WWOX: variants seen among roughly 807,000 people sequenced by gnomAD.
The protein encoded by WWOX is WW domain containing oxidoreductase.
Under a neutral mutation model 46.2 loss-of-function variants are expected in WWOX, and 69 were observed. The observed-to-expected ratio is 1.49, with a 90% CI of 1.23 to 1.82. The LOEUF (loss-of-function observed/expected upper bound fraction) is 1.82, where lower values mean the gene tolerates loss of function less well. Ranked by LOEUF, WWOX falls within the 40% of genes most tolerant of loss-of-function variation. The pLI, the probability that WWOX is intolerant of heterozygous loss-of-function variation, is 0.00. For synonymous variants in WWOX, 359 were observed against 202.6 expected (o/e 1.77, Z -6.56); for missense variants, 919 against 542.6 (o/e 1.69, Z -6.89).
chr16:78,962,520 G>A (rs2046290625), intron 8 of WWOX, among the ~76,000 whole-genome samples: 1 of 151,934 alleles, frequency 6.6e-6, no homozygotes, highest in Non-Finnish European at 1.5e-5. Flanking sequence ...CTTAAATAAT[G>A]TATTCTGTCA....
At chr16:78,917,550 C>A (rs906966925) in intron 8 of WWOX, among the ~76,000 whole-genome samples, 2 of 152,004 alleles carry the variant, frequency 1.3e-5, no homozygotes, top group East Asian at 3.9e-4. Flanking sequence ...GAAATTATTC[C>A]TAACCCCCAA....
At chr16:78,655,077 T>G (rs909707185) in intron 8 of WWOX, among the ~76,000 whole-genome samples, 1 of 152,142 alleles carries the variant, frequency 6.6e-6, no homozygotes, top group Non-Finnish European at 1.5e-5. Context: ...CCTTCTCACC[T>G]GGCCTGCATC....
At chr16:78,542,936 G>C (rs894331555) in intron 8 of WWOX, among the ~76,000 whole-genome samples, 1 of 152,162 alleles carries the variant, frequency 6.6e-6, no homozygotes, top group African/African-American at 2.4e-5. Context: ...AGAACCAATA[G>C]AAAAATGAGA....
At chr16:79,183,527 C>G (rs2050953558) in intron 8 of WWOX, among the ~76,000 whole-genome samples, 1 of 152,170 alleles carries the variant, frequency 6.6e-6, no homozygotes, top group East Asian at 1.9e-4. Flanking sequence ...GAATTGGCAT[C>G]CAACCATAAT....
intron 8 of WWOX, among the ~76,000 whole-genome samples, chr16:78,475,274 C>T (rs935607719): frequency 1.3e-5 from 2 of 152,206 alleles, no homozygotes; most frequent in African/African-American, 4.8e-5. Context: ...CTTCTCCTCC[C>T]TGTGTATTGA....
intron 8 of WWOX, among the ~76,000 whole-genome samples, chr16:78,668,470 T>A (rs2047384795): frequency 6.6e-6 from 1 of 152,142 alleles, no homozygotes; most frequent in Admixed American, 6.5e-5. Flanking sequence ...CACTCATCAT[T>A]CATTATATTC....
intron 8 of WWOX, among the ~76,000 whole-genome samples, chr16:78,514,767 G>A (rs544726662): frequency 1.3e-5 from 2 of 152,298 alleles, no homozygotes; most frequent in Non-Finnish European, 2.9e-5. Context: ...ATTGAAAATA[G>A]ATATACATAA....
intron 8 of WWOX, among the ~76,000 whole-genome samples, chr16:78,828,366 G>T (rs2051720933): frequency 6.6e-6 from 1 of 152,150 alleles, no homozygotes; most frequent in Admixed American, 6.5e-5. Flanking sequence ...TGAGTGAGAA[G>T]AACGGATACG....
At chr16:79,098,670 G>A (rs2049127827) in intron 8 of WWOX, among the ~76,000 whole-genome samples, 1 of 152,212 alleles carries the variant, frequency 6.6e-6, no homozygotes, top group Non-Finnish European at 1.5e-5. Flanking sequence ...GCAGGGTGTA[G>A]AAGAAGGAAT....
intron 5 of WWOX, among the ~76,000 whole-genome samples, chr16:78,194,455 G>A (rs1029117581): frequency 4.6e-5 from 7 of 151,710 alleles, no homozygotes; most frequent in Admixed American, 1.3e-4. Context: ...TGGCGTGGTG[G>A]TGGGCACCTG....
Position 78,935,351 on chromosome 16 carries a change from A to C in WWOX, c.1057-276257A>C, listed in dbSNP as rs191747915. On this transcript the variant is annotated intron_variant, in intron 8 of 8. Coordinates refer to ENST00000566780, the MANE Select transcript of WWOX (RefSeq NM_016373.4). ...TCACAATAGCAAAGACTTGGAACCAACTCAGATGTTCATCAATGATAGACT... is the reference window on the plus strand; with the variant it reads ...TCACAATAGCAAAGACTTGGAACCACCTCAGATGTTCATCAATGATAGACT... Among the ~76,000 whole-genome samples the C allele has an allele frequency of 2.2e-4, 33 of 152,258 alleles. No homozygotes were observed. In the South Asian group the frequency reaches 2.5e-3, roughly 11 times the overall value.
At chr16:78,975,458 CT>C (rs55693225) in intron 8 of WWOX, among the ~76,000 whole-genome samples, 705 of 143,740 alleles carry the variant, frequency 4.9e-3, no homozygotes, top group African/African-American at 0.013. Context: ...GTTCCCCAAC[CT>C]TTTTTTTTTT....
intron 8 of WWOX, among the ~76,000 whole-genome samples, chr16:78,691,525 C>A (rs9923515): frequency 0.72 from 109,831 of 151,764 alleles, 40,120 homozygotes; most frequent in South Asian, 0.75. Flanking sequence ...TGGGCAACAA[C>A]GTGAGATCCT....
At chr16:79,031,870 A>G (rs1366690429) in intron 8 of WWOX, among the ~76,000 whole-genome samples, 1 of 140,270 alleles carries the variant, frequency 7.1e-6, no homozygotes, top group Non-Finnish European at 1.6e-5. Flanking sequence ...ATAGATAGAT[A>G]TCTATATACA....
intron 8 of WWOX, among the ~76,000 whole-genome samples, chr16:78,614,197 C>T (rs1328298664): frequency 2.0e-5 from 3 of 152,326 alleles, no homozygotes; most frequent in East Asian, 3.9e-4. Flanking sequence ...CTGCTTTTGC[C>T]ATCAAATGGT....
chr16:79,203,980 A>G (rs959648151), intron 8 of WWOX: 1 of 152,196 alleles, frequency 6.6e-6, no homozygotes, highest in African/African-American at 2.4e-5. Context: ...GCAGTCCTTT[A>G]GCACGGGCAT....
At chr16:79,132,558 C>T (rs967622396) in intron 8 of WWOX, among the ~76,000 whole-genome samples, 7 of 152,138 alleles carry the variant, frequency 4.6e-5, no homozygotes, top group African/African-American at 1.7e-4. Context: ...ATCTCGATAG[C>T]AGCAACCTTT....
chr16:78,379,440 G>A (rs1255753576), intron 5 of WWOX, among the ~76,000 whole-genome samples: 1 of 152,100 alleles, frequency 6.6e-6, no homozygotes, highest in Admixed American at 6.6e-5. Flanking sequence ...TAGTGTACCT[G>A]GGCTTCTTCC....
At chr16:78,580,501 G>C (rs2045023085) in intron 8 of WWOX, among the ~76,000 whole-genome samples, 2 of 152,162 alleles carry the variant, frequency 1.3e-5, no homozygotes, top group South Asian at 2.1e-4. Context: ...CAGATGCCCA[G>C]AGGCATTTAT....
Sources: allele counts gnomAD v4.1 joint callset (sites outside exome capture counted in the v4.1 genomes callset), GRCh38; gene constraint gnomAD v4.1.1; transcripts MANE v1.5; gene names NCBI Gene and HGNC (gene_info 2026-07-23, HGNC 2026-07-21).